The following RORA variants were observed in gnomAD, a reference collection of about 807,000 sequenced individuals.
RORA encodes nuclear receptor ROR-alpha.
In RORA, 7 loss-of-function variants were observed where a neutral mutation model predicts 69.5. The observed-to-expected ratio is 0.10, with a 90% CI of 0.06 to 0.19. The LOEUF (loss-of-function observed/expected upper bound fraction) is 0.19, where lower values mean the gene tolerates loss of function less well. RORA is among the 10% of genes least tolerant of loss of function. The pLI is 1.00. For missense variants in RORA, 457 were observed against 663.0 expected (o/e 0.69, Z 3.41); for synonymous variants, 261 against 240.8 (o/e 1.08, Z -0.78).
At chr15:61,224,610 G>A (rs964747433) in intron 1 of RORA, among the ~76,000 whole-genome samples, 9 of 152,246 alleles carry the variant, frequency 5.9e-5, no homozygotes, top group Non-Finnish European at 1.3e-4. Context: ...GGGAGAAGGT[G>A]GATCTTAATT....
At chr15:61,048,741 AG>A (rs1478698195) in intron 1 of RORA, among the ~76,000 whole-genome samples, 2 of 152,132 alleles carry the variant, frequency 1.3e-5, no homozygotes, top group African/African-American at 4.8e-5. Flanking sequence ...GGGAAGCCTA[AG>A]GGGTGGTTTT....
At chr15:61,009,281 A>G (rs1211031904) in intron 1 of RORA, among the ~76,000 whole-genome samples, 1 of 152,192 alleles carries the variant, frequency 6.6e-6, no homozygotes, top group Non-Finnish European at 1.5e-5. Context: ...CATGGATTTT[A>G]TTAAGATAGA....
chr15:60,588,839 C>T (rs1401743829), intron 2 of RORA, among the ~76,000 whole-genome samples: 1 of 152,158 alleles, frequency 6.6e-6, no homozygotes, highest in Admixed American at 6.5e-5. Flanking sequence ...AAAGGGTTTA[C>T]TTGTGCATGC....
At chr15:61,031,752 C>T (rs925526215) in intron 1 of RORA, among the ~76,000 whole-genome samples, 1 of 152,098 alleles carries the variant, frequency 6.6e-6, no homozygotes, top group Non-Finnish European at 1.5e-5. Flanking sequence ...AAGAGAAAGA[C>T]GTGGAAGGAT....
intron 1 of RORA, among the ~76,000 whole-genome samples, chr15:61,059,766 T>A (rs946804896): frequency 6.6e-6 from 1 of 151,908 alleles, no homozygotes; most frequent in African/African-American, 2.4e-5. Context: ...AGGAGAAAAA[T>A]GACAGTGAAT....
chr15:61,227,899 G>T (rs1012741708), intron 1 of RORA, among the ~76,000 whole-genome samples: 1 of 152,112 alleles, frequency 6.6e-6, no homozygotes, highest in African/African-American at 2.4e-5. Context: ...AACTCCAGGC[G>T]CATTCAAATA....
intron 1 of RORA, among the ~76,000 whole-genome samples, chr15:60,723,544 C>T (rs2071319642): frequency 6.6e-6 from 1 of 152,020 alleles, no homozygotes; most frequent in African/African-American, 2.4e-5. Flanking sequence ...TTTGAAACAT[C>T]AAATCCCCCT....
Position 61,147,705 on chromosome 15 carries a change from G to A in RORA, c.166+81348C>T, listed in dbSNP as rs1450908105. Among the ~76,000 whole-genome samples the A allele has an allele frequency of 6.6e-6, 1 of 152,040 alleles. No homozygotes were observed. Among genetic ancestry groups the A allele is most frequent in the African/African-American group, 2.4e-5 (1 of 41,418 alleles). Reference sequence around the variant, plus strand: ...TCTAAGCCCAAGTGTCCTAGCTGGAGTTAACCCATGACTTCAGTCCTAAAA... The same window carrying A: ...TCTAAGCCCAAGTGTCCTAGCTGGAATTAACCCATGACTTCAGTCCTAAAA... On this transcript the variant is annotated intron_variant, in intron 1 of 10. Transcript: ENST00000335670. The surrounding 1 kb of genome is among the most constrained non-coding windows in gnomAD (Gnocchi z 4.1).
intron 1 of RORA, among the ~76,000 whole-genome samples, chr15:61,089,810 A>G (rs1426106176): frequency 6.6e-6 from 1 of 152,184 alleles, no homozygotes; most frequent in Non-Finnish European, 1.5e-5. Context: ...CCGAGCAGTG[A>G]CAAGCAGCAG....
At chr15:60,781,600 G>A (rs985757970) in intron 1 of RORA, among the ~76,000 whole-genome samples, 2 of 150,778 alleles carry the variant, frequency 1.3e-5, no homozygotes, top group African/African-American at 4.9e-5. Flanking sequence ...CTTTGCCACA[G>A]TTCAGTGAGC....
chr15:61,061,360 A>G lies in RORA; in HGVS notation c.166+167693T>C. Reference sequence around the variant, plus strand: ...GAGCGAGGCTCTATCTTAAAAAATAAATAAATAAATAAATAAATAAATAAA... The same window carrying G: ...GAGCGAGGCTCTATCTTAAAAAATAGATAAATAAATAAATAAATAAATAAA... On this transcript the variant is annotated intron_variant, in intron 1 of 10. Transcript: ENST00000335670. This position sits in a 1 kb window ranked among gnomAD's most constrained non-coding sequence, Gnocchi z 4.4. Among the ~76,000 whole-genome samples, 1 of 136,098 alleles carries G rather than the reference A, an allele frequency of 7.3e-6. No individual in the cohort carries two copies. The highest frequency in any genetic ancestry group is 1.6e-5 in the Non-Finnish European group (1 of 63,340). The allele number at this position is 136,098 out of a possible 152,430, so 89.3% of individuals were successfully genotyped here.
intron 1 of RORA, among the ~76,000 whole-genome samples, chr15:61,169,897 C>T (rs2079570975): frequency 6.6e-6 from 1 of 152,120 alleles, no homozygotes; most frequent in South Asian, 2.1e-4. Context: ...TCTGTTGACC[C>T]TATCAGGATG....
intron 1 of RORA, among the ~76,000 whole-genome samples, chr15:60,871,990 T>A (rs147461830): frequency 1.2e-4 from 18 of 152,224 alleles, no homozygotes; most frequent in African/African-American, 4.1e-4. Context: ...TACAACTCTA[T>A]GCAAATCTAG....
At chr15:60,723,472 C>T (rs567068984) in intron 1 of RORA, among the ~76,000 whole-genome samples, 5 of 150,066 alleles carry the variant, frequency 3.3e-5, no homozygotes, top group Admixed American at 2.0e-4. Flanking sequence ...GCACATAAGG[C>T]GCAGGGAAAA....
chr15:61,005,979 GTTTTT>G (rs551026992), intron 1 of RORA, among the ~76,000 whole-genome samples: 5 of 146,450 alleles, frequency 3.4e-5, no homozygotes, highest in African/African-American at 1.0e-4. Context: ...GTTTTGTTTT[GTTTTT>G]TTTGAGAAGG....
intron 2 of RORA, among the ~76,000 whole-genome samples, chr15:60,543,653 A>AT (rs1242178326): frequency 6.6e-6 from 1 of 151,074 alleles, no homozygotes; most frequent in East Asian, 1.9e-4. Context: ...TTTTTTTTAT[A>AT]TTTTTTTCAG....
At chr15:60,642,364 A>G (rs1411724792) in intron 2 of RORA, among the ~76,000 whole-genome samples, 2 of 152,202 alleles carry the variant, frequency 1.3e-5, no homozygotes, top group Non-Finnish European at 2.9e-5. Flanking sequence ...ACAAATTTGG[A>G]ACCGGTGAGT....
At chr15:61,216,755 G>C (rs1027201359) in intron 1 of RORA, among the ~76,000 whole-genome samples, 4 of 152,148 alleles carry the variant, frequency 2.6e-5, no homozygotes, top group Non-Finnish European at 5.9e-5. Flanking sequence ...TGATGGGGCT[G>C]AATTTCAGTG....
chr15:60,781,954 C>A (rs965704670), intron 1 of RORA, among the ~76,000 whole-genome samples: 1 of 152,204 alleles, frequency 6.6e-6, no homozygotes. Flanking sequence ...AGGCCGGGTA[C>A]GGCGGTTCAC....
Sources: allele counts gnomAD v4.1 joint callset (sites outside exome capture counted in the v4.1 genomes callset), GRCh38; gene constraint gnomAD v4.1.1; non-coding constraint Gnocchi (gnomAD v3.1); transcripts MANE v1.5; gene names NCBI Gene and HGNC (gene_info 2026-07-23, HGNC 2026-07-21).